USP34: variants seen among roughly 807,000 people sequenced by gnomAD.
USP34 encodes ubiquitin carboxyl-terminal hydrolase 34.
A neutral mutation model predicts 460.3 loss-of-function variants in USP34; 70 were observed. The ratio of observed to expected loss-of-function variants is 0.15; its 90% confidence interval spans 0.13 to 0.19. The LOEUF (loss-of-function observed/expected upper bound fraction) is 0.19, where lower values mean the gene tolerates loss of function less well. Ranked by LOEUF, USP34 falls within the 10% of genes least tolerant of loss-of-function variation. The probability of loss-of-function intolerance (pLI) is 1.00; values close to 1 mark genes in which losing one functional copy is unlikely to be tolerated. For missense variants in USP34, 3,985 were observed against 4,236.2 expected (o/e 0.94, Z 1.65); for synonymous variants, 1,647 against 1,405.3 (o/e 1.17, Z -3.85).
At position 61,259,768 on chromosome 2, in the gene USP34, C is replaced by T; in HGVS notation, c.5787G>A (p.Glu1929=). The part of the protein sequence containing the change: ...RQAVFTAKYS[E]DMKHKTTLLE... ...GAAGAGTGGTCTTGTGCTTCATATC[C>T]TCTGAATACTGAAAATCAAGAGAAA... Residue 1929 remains glutamate (E), a synonymous_variant, in exon 44 of 80, where the codon GAG becomes GAA. Coordinates refer to ENST00000398571, the MANE Select transcript of USP34 (RefSeq NM_014709.4). 4 of 1,612,742 alleles carry T rather than the reference C, an allele frequency of 2.5e-6. No individual in the cohort carries two copies. Among genetic ancestry groups the T allele is most frequent in the Non-Finnish European group, 3.4e-6 (4 of 1,179,720 alleles).
At chr2:61,264,711 C>G (rs967148109) in intron 43 of USP34, among the ~76,000 whole-genome samples, 1 of 151,974 alleles carries the variant, frequency 6.6e-6, no homozygotes, top group South Asian at 2.1e-4. Flanking sequence ...AAAAGCAGTA[C>G]AAAAGGCAAA....
chr2:61,374,178 A>AAAT (rs1491158226), intron 8 of USP34, among the ~76,000 whole-genome samples: 1 of 146,828 alleles, frequency 6.8e-6, no homozygotes, highest in African/African-American at 2.5e-5. Flanking sequence ...AAAAAAAAAA[A>AAAT]CAGAGAAAAT....
rs750485702 is a variant in USP34 at position 61,383,251 on chromosome 2, G to A, written c.821+18C>T. On this transcript the variant is annotated intron_variant, in intron 6 of 79. Transcript: ENST00000398571. Reference sequence around the variant, plus strand: ...TATTACACTGATAATCGGGGGTAAAGAAATTTTATAAACTTACCTAATAAC... The same window carrying A: ...TATTACACTGATAATCGGGGGTAAAAAAATTTTATAAACTTACCTAATAAC... 3.2e-6 allele frequency: 5 copies of A among 1,571,098 alleles called. No homozygotes were observed. In the Admixed American group the frequency reaches 7.5e-5, roughly 24 times the overall value.
chr2:61,273,184 A>G (rs1375747999), intron 41 of USP34, among the ~76,000 whole-genome samples: 1 of 152,222 alleles, frequency 6.6e-6, no homozygotes, highest in Non-Finnish European at 1.5e-5. Flanking sequence ...TTTGTAGGAA[A>G]AAGAATCTTC....
intron 41 of USP34, among the ~76,000 whole-genome samples, chr2:61,275,653 T>C (rs1228262680): frequency 6.6e-6 from 1 of 151,956 alleles, no homozygotes; most frequent in African/African-American, 2.4e-5. Flanking sequence ...ATATACTGAA[T>C]TTGAAAATAT....
At chr2:61,208,788 C>T in intron 70 of USP34, 111 bp downstream of exon 70, 1 of 641,730 alleles carries the variant, frequency 1.6e-6, no homozygotes, top group Non-Finnish European at 2.4e-6. Context: ...TAATTAAAAC[C>T]TTGCCACCTG....
At chr2:61,441,802 C>CAAAAAA (rs70963429) in intron 1 of USP34, among the ~76,000 whole-genome samples, 1,333 of 97,276 alleles carry the variant, frequency 0.014, 17 homozygotes, top group African/African-American at 0.048. Flanking sequence ...GACTGCATTA[C>CAAAAAA]AAAAAAAAAA....
At position 61,360,509 on chromosome 2, in the gene USP34, A is replaced by C. The variant is rs752246164; in HGVS notation, c.1251+9812T>G. Among the ~76,000 whole-genome samples, 4 of 152,242 alleles carry C rather than the reference A, an allele frequency of 2.6e-5. No individual in the cohort carries two copies. The South Asian group carries it at 8.3e-4, about 31-fold the overall frequency. ...AGCCAAAGAAGTAAAAGACTTGTAC[A>C]CTGAAAATTATAAAACACTGAAGGA... On this transcript the variant is annotated intron_variant, in intron 10 of 79. Transcript: ENST00000398571.
rs1326541221 is a variant in USP34, at chr2:61,259,685, C to T, written c.5844+26G>A. On this transcript the variant is annotated intron_variant, in intron 44 of 79. Transcript: ENST00000398571. The stretch of plus-strand genomic sequence containing the variant: ...ACAGGCATGAGCCACAGTGCCTGGC[C>T]TAGCCTCCATGATTCTTAAACATAC... The T allele has an allele frequency of 8.1e-6, 13 of 1,608,418 alleles. No individual in the cohort carries two copies. The African/African-American group carries it at 9.4e-5, about 12-fold the overall frequency.
intron 67 of USP34, among the ~76,000 whole-genome samples, chr2:61,215,004 G>A (rs1436042144): frequency 6.6e-6 from 1 of 152,166 alleles, no homozygotes; most frequent in Non-Finnish European, 1.5e-5. Context: ...TCAGGAAGTA[G>A]TATGATTTAA....
intron 44 of USP34, among the ~76,000 whole-genome samples, chr2:61,258,118 G>A (rs1300928638): frequency 6.6e-6 from 1 of 152,102 alleles, no homozygotes; most frequent in Non-Finnish European, 1.5e-5. Flanking sequence ...CTTTGGGAGG[G>A]TACGGCGAGT....
chr2:61,251,927 G>A (rs1390296499), intron 48 of USP34, among the ~76,000 whole-genome samples: 8 of 150,770 alleles, frequency 5.3e-5, no homozygotes, highest in African/African-American at 1.5e-4. Flanking sequence ...TCATCTTTCC[G>A]TACTCAATTC....
chr2:61,222,400 A>G (rs1687613086), intron 65 of USP34, among the ~76,000 whole-genome samples: 1 of 143,594 alleles, frequency 7.0e-6, no homozygotes, highest in Non-Finnish European at 1.6e-5. Context: ...CTCTGATACA[A>G]TGAGTCTATA....
rs1432335890 is a variant in USP34, at chr2:61,222,796, A to AAGCGATCCTCCTGCCTCAGCCTCC, written c.7750-157_7750-134dup. ...ACTGCAGCCTCCACTTCTCAGGCTC[A>AAGCGATCCTCCTGCCTCAGCCTCC]AGCGATCCTCCTGCCTCAGCCTCCG... On this transcript the variant is annotated intron_variant, in intron 64 of 79. Coordinates refer to ENST00000398571, the MANE Select transcript of USP34 (RefSeq NM_014709.4). The AAGCGATCCTCCTGCCTCAGCCTCC allele has an allele frequency of 7.3e-6, 6 of 822,628 alleles. No homozygotes were observed. In the Admixed American group the frequency reaches 1.5e-4, roughly 21 times the overall value. The allele number at this position is 822,628 out of a possible 1,614,324, so 51.0% of individuals were successfully genotyped here.
At chr2:61,408,742 A>C (rs932501611) in intron 2 of USP34, among the ~76,000 whole-genome samples, 3 of 152,020 alleles carry the variant, frequency 2.0e-5, no homozygotes, top group Non-Finnish European at 4.4e-5. Flanking sequence ...CTAAAAATAA[A>C]AAATTAGACG....
chr2:61,425,815 C>T (rs115826122), intron 1 of USP34, among the ~76,000 whole-genome samples: 300 of 152,140 alleles, frequency 2.0e-3, no homozygotes, highest in Middle Eastern at 3.4e-3. Flanking sequence ...CAATGGAGTG[C>T]TGGCATCACC....
intron 33 of USP34, among the ~76,000 whole-genome samples, chr2:61,291,419 A>C (rs1032730958): frequency 2.6e-5 from 4 of 152,212 alleles, no homozygotes; most frequent in African/African-American, 9.6e-5. Flanking sequence ...CACAGGACCC[A>C]GAAACTGCAC....
chr2:61,188,766 G>T (rs905925762), intron 79 of USP34, 57 bp from the exon 80 acceptor site: 4 of 1,578,260 alleles, frequency 2.5e-6, no homozygotes, highest in Non-Finnish European at 3.4e-6. Context: ...GATCACGTTA[G>T]GGGGGGATGT....
intron 23 of USP34, among the ~76,000 whole-genome samples, chr2:61,315,454 C>G (rs1009157131): frequency 2.0e-5 from 3 of 151,924 alleles, no homozygotes; most frequent in African/African-American, 7.3e-5. Context: ...CTCACTGCAA[C>G]CTCTGCCTCC....
Sources: allele counts gnomAD v4.1 joint callset (sites outside exome capture counted in the v4.1 genomes callset), GRCh38; gene constraint gnomAD v4.1.1; transcripts MANE v1.5; gene names NCBI Gene and HGNC (gene_info 2026-07-23, HGNC 2026-07-21).